GRIP1: variants seen among roughly 807,000 people sequenced by gnomAD.
The protein encoded by GRIP1 is glutamate receptor interacting protein 1.
A neutral mutation model predicts 129.9 loss-of-function variants in GRIP1; 45 were observed. That is an observed-to-expected ratio of 0.35 (90% confidence interval 0.27 to 0.44). The LOEUF (loss-of-function observed/expected upper bound fraction) is 0.44, where lower values mean the gene tolerates loss of function less well. Among genes scored for constraint, GRIP1 ranks in the 20% least tolerant of loss-of-function variants. GRIP1 has a pLI of 1.00. For missense variants in GRIP1, 1,196 were observed against 1,396.8 expected, an observed-to-expected ratio of 0.86 and a Z score of 2.29; for synonymous variants, 530 against 520.8, an observed-to-expected ratio of 1.02 and a Z score of -0.24.
At chr12:66,924,715 C>T (rs1483847745) in intron 1 of GRIP1, among the ~76,000 whole-genome samples, 1 of 152,164 alleles carries the variant, frequency 6.6e-6, no homozygotes, top group Non-Finnish European at 1.5e-5. Context: ...CGCCTGTAAT[C>T]CCAGCACTTT....
chr12:67,031,754 C>T (rs975982690), intron 1 of GRIP1, among the ~76,000 whole-genome samples: 3 of 152,034 alleles, frequency 2.0e-5, no homozygotes, highest in African/African-American at 4.8e-5. Flanking sequence ...TATTCCTACG[C>T]ACTTTGCCTC....
chr12:66,514,354 T>C (rs1399703175), intron 7 of GRIP1, among the ~76,000 whole-genome samples: 1 of 152,160 alleles, frequency 6.6e-6, no homozygotes, highest in African/African-American at 2.4e-5. Context: ...TGTAATCTGA[T>C]TTTATCTTCA....
At chr12:66,602,002 G>C (rs1227158492) in intron 1 of GRIP1, among the ~76,000 whole-genome samples, 1 of 152,192 alleles carries the variant, frequency 6.6e-6, no homozygotes, top group East Asian at 1.9e-4. Context: ...GAGTGAGCAT[G>C]GGCTTAGGGT....
intron 7 of GRIP1, among the ~76,000 whole-genome samples, chr12:66,473,237 G>T (rs1319620877): frequency 6.6e-6 from 1 of 152,170 alleles, no homozygotes; most frequent in African/African-American, 2.4e-5. Flanking sequence ...AGAGGCCACT[G>T]CAGCTCGGCA....
chr12:66,671,658 C>T (rs913469055), intron 1 of GRIP1, among the ~76,000 whole-genome samples: 2 of 152,142 alleles, frequency 1.3e-5, no homozygotes, highest in Non-Finnish European at 2.9e-5. Flanking sequence ...CAGCAATGAC[C>T]CACTTACAAA....
intron 1 of GRIP1, among the ~76,000 whole-genome samples, chr12:66,602,848 CTTTTT>C (rs71436016): frequency 2.1e-4 from 15 of 71,660 alleles, no homozygotes; most frequent in African/African-American, 6.1e-4. Flanking sequence ...AGATCTTTTG[CTTTTT>C]TTTTTTTTTT....
At chr12:66,729,478 A>G (rs2036361178) in intron 1 of GRIP1, among the ~76,000 whole-genome samples, 1 of 152,238 alleles carries the variant, frequency 6.6e-6, no homozygotes, top group Non-Finnish European at 1.5e-5. Flanking sequence ...TCTAGAAGGA[A>G]GGACTATTAT....
At chr12:66,442,334 T>C (rs993951728) in intron 13 of GRIP1, among the ~76,000 whole-genome samples, 1 of 152,032 alleles carries the variant, frequency 6.6e-6, no homozygotes, top group Non-Finnish European at 1.5e-5. Flanking sequence ...GTCTTTACAT[T>C]GCCTACTCCC....
At chr12:66,634,234 G>A (rs902419340) in intron 1 of GRIP1, among the ~76,000 whole-genome samples, 3 of 152,148 alleles carry the variant, frequency 2.0e-5, no homozygotes, top group Non-Finnish European at 4.4e-5. Flanking sequence ...ATAGCAGTAT[G>A]TGTTACATTT....
At chr12:66,958,595 A>G (rs1237013659) in intron 1 of GRIP1, among the ~76,000 whole-genome samples, 1 of 152,210 alleles carries the variant, frequency 6.6e-6, no homozygotes, top group Non-Finnish European at 1.5e-5. Flanking sequence ...TATATTCTAC[A>G]TTTTTGACCT....
intron 1 of GRIP1, among the ~76,000 whole-genome samples, chr12:66,876,790 A>G (rs1372381212): frequency 6.6e-6 from 1 of 152,082 alleles, no homozygotes; most frequent in Non-Finnish European, 1.5e-5. Flanking sequence ...TTGGTAGGCA[A>G]AGTTCAGTCA....
intron 1 of GRIP1, among the ~76,000 whole-genome samples, chr12:67,037,119 C>G (rs1001150132): frequency 6.6e-6 from 1 of 151,858 alleles, no homozygotes; most frequent in Non-Finnish European, 1.5e-5. Context: ...ATCACGAGGT[C>G]AGATCAAGAC....
chr12:66,852,526 GTATATGTA>G (rs377706307), intron 1 of GRIP1, among the ~76,000 whole-genome samples: 28 of 107,700 alleles, frequency 2.6e-4, no homozygotes, highest in African/African-American at 8.2e-4. Context: ...GTGTATATAT[GTATATGTA>G]TATATGTATA....
intron 1 of GRIP1, among the ~76,000 whole-genome samples, chr12:66,606,682 C>T (rs945440648): frequency 6.6e-6 from 1 of 152,022 alleles, no homozygotes; most frequent in African/African-American, 2.4e-5. Flanking sequence ...AGAATTTGTC[C>T]TCATCTAAAT....
chr12:66,673,691 C>T (rs2034190835), intron 1 of GRIP1, among the ~76,000 whole-genome samples: 1 of 152,196 alleles, frequency 6.6e-6, no homozygotes, highest in South Asian at 2.1e-4. Flanking sequence ...TAAACTCCCT[C>T]AAAGCATGGG....
chr12:66,856,918 G>A (rs2040015458), intron 1 of GRIP1, among the ~76,000 whole-genome samples: 1 of 152,132 alleles, frequency 6.6e-6, no homozygotes, highest in Non-Finnish European at 1.5e-5. Flanking sequence ...AGAGACTCAT[G>A]CACACATATG....
intron 1 of GRIP1, among the ~76,000 whole-genome samples, chr12:67,066,960 TGAAA>T (rs925718116): frequency 6.8e-6 from 1 of 147,298 alleles, no homozygotes; most frequent in East Asian, 2.0e-4. Context: ...CAGGAAATTG[TGAAA>T]GAAACAAAAC....
intron 4 of GRIP1, among the ~76,000 whole-genome samples, chr12:66,532,672 G>A (rs997658385): frequency 3.3e-5 from 5 of 152,132 alleles, no homozygotes; most frequent in African/African-American, 1.2e-4. Context: ...ATTGCCACAA[G>A]AAGAGCGTCC....
chr12:66,377,627 C>A (rs1314389925), intron 20 of GRIP1, among the ~76,000 whole-genome samples: 30 of 145,556 alleles, frequency 2.1e-4, no homozygotes, highest in Middle Eastern at 6.9e-3. Flanking sequence ...GCGTGAGCCA[C>A]CGCACCCGGC....
Sources: gnomAD v4.1 joint callset for allele counts (sites outside exome capture counted in the v4.1 genomes callset) on GRCh38, gnomAD v4.1.1 for gene constraint, MANE v1.5 for transcripts, NCBI Gene and HGNC (gene_info 2026-07-23, HGNC 2026-07-21) for gene names.